The following GLI3 variants were observed in gnomAD, a reference collection of about 807,000 sequenced individuals.
The protein encoded by GLI3 is transcription activator GLI3.
A neutral mutation model predicts 100.8 loss-of-function variants in GLI3; 20 were observed. That is an observed-to-expected ratio of 0.20 (90% CI 0.14 to 0.29). GLI3 has a LOEUF of 0.29. Ranked by LOEUF, GLI3 falls within the 10% of genes least tolerant of loss-of-function variation. The pLI, the probability that GLI3 is intolerant of heterozygous loss-of-function variation, is 1.00. For missense variants in GLI3, 2,040 were observed against 2,128.5 expected (o/e 0.96, Z 0.82); for synonymous variants, 938 against 860.5 (o/e 1.09, Z -1.58).
intron 2 of GLI3, among the ~76,000 whole-genome samples, chr7:42,190,146 A>C (rs1787798250): frequency 6.6e-6 from 1 of 152,160 alleles, no homozygotes; most frequent in Non-Finnish European, 1.5e-5. Flanking sequence ...CTGTCAAAAA[A>C]AAAAAAACAG....
intron 4 of GLI3, among the ~76,000 whole-genome samples, chr7:42,051,055 A>G (rs1446131795): frequency 6.6e-6 from 1 of 152,168 alleles, no homozygotes; most frequent in South Asian, 2.1e-4. Flanking sequence ...CCACCAGGAC[A>G]CTGAAGGTAC....
At chr7:42,202,346 TCACA>T (rs59941465) in intron 2 of GLI3, among the ~76,000 whole-genome samples, 68,704 of 115,620 alleles carry the variant, frequency 0.59, 20,369 homozygotes, top group South Asian at 0.73. Context: ...TCTCTCTCTC[TCACA>T]CACACACACA....
chr7:42,130,226 G>A (rs1353867543), intron 3 of GLI3, among the ~76,000 whole-genome samples: 1 of 152,098 alleles, frequency 6.6e-6, no homozygotes, highest in Non-Finnish European at 1.5e-5. Context: ...ACTGATACAC[G>A]TGGTCAGGAT....
chr7:42,262,755 T>C (rs538364603), intron 1 of GLI3, among the ~76,000 whole-genome samples: 6 of 152,358 alleles, frequency 3.9e-5, no homozygotes, highest in African/African-American at 1.2e-4. Context: ...TTTGTTGTTT[T>C]ATCCATTCCT....
At chr7:42,092,471 C>A (rs924865231) in intron 3 of GLI3, among the ~76,000 whole-genome samples, 1 of 152,158 alleles carries the variant, frequency 6.6e-6, no homozygotes. Flanking sequence ...GAAGTGGAGA[C>A]AACGCTGTTC....
In GLI3 at chr7:41,968,717, A is replaced by AAAGAAAGAAAGAAAGAAAGAAAGAAAG. The variant is rs1562661775; in HGVS notation, c.2104-821_2104-795dup. Among the ~76,000 whole-genome samples the AAAGAAAGAAAGAAAGAAAGAAAGAAAG allele has an allele frequency of 6.0e-4, 62 of 103,724 alleles. 2 individuals carry two copies. The highest frequency in any genetic ancestry group is 2.8e-3 in the African/African-American group (59 of 21,004). The allele number at this position is 103,724 out of a possible 152,430, so 68.0% of individuals were successfully genotyped here. On this transcript the variant is annotated intron_variant, in intron 13 of 14. Transcript: ENST00000395925. Reference sequence around the variant, plus strand: ...AGAAAGAAAGAAAGAAAGAAAGAAGAAAGAAAGAAAGAAAGAAAGAAAGAA... The same window carrying AAAGAAAGAAAGAAAGAAAGAAAGAAAG: ...AGAAAGAAAGAAAGAAAGAAAGAAGAAAGAAAGAAAGAAAGAAAGAAAGAAAGAAGAAAGAAAGAAAGAAAGAAAGAA...
intron 2 of GLI3, among the ~76,000 whole-genome samples, chr7:42,168,597 A>C (rs551296878): frequency 6.6e-6 from 1 of 152,278 alleles, no homozygotes; most frequent in African/African-American, 2.4e-5. Flanking sequence ...AAGAAGCCAG[A>C]CACAAAAAGA....
chr7:42,197,680 G>T (rs1487201913), intron 2 of GLI3, among the ~76,000 whole-genome samples: 1 of 152,186 alleles, frequency 6.6e-6, no homozygotes, highest in Non-Finnish European at 1.5e-5. Context: ...TCCGGTCAGC[G>T]GGAGGTACAG....
intron 1 of GLI3, among the ~76,000 whole-genome samples, chr7:42,255,319 CT>C (rs1414937134): frequency 9.2e-5 from 14 of 152,244 alleles, no homozygotes; most frequent in African/African-American, 3.4e-4. Context: ...TTTTAAACAG[CT>C]TTATTAAAGT....
chr7:42,211,507 A>G (rs1185847660), intron 2 of GLI3, among the ~76,000 whole-genome samples: 1 of 152,254 alleles, frequency 6.6e-6, no homozygotes, highest in East Asian at 1.9e-4. Context: ...AAATGCTTGG[A>G]ACAAATCTTC....
At position 42,210,349 on chromosome 7, in the gene GLI3, C is replaced by A. The variant is rs888719478; in HGVS notation, c.124+12781G>T. ...ATTCAAAAATGAAAGCCCCCCCCCC[C>A]CCCCCAAGTTAAAATAAGGTACAAA... On this transcript the variant is annotated intron_variant, in intron 2 of 14. Transcript: ENST00000395925. 3.6e-4 allele frequency among the ~76,000 whole-genome samples: 49 copies of A among 136,734 alleles called. 1 individual carries two copies. Among genetic ancestry groups the A allele is most frequent in the African/African-American group, 1.1e-3 (40 of 36,202 alleles). The allele number at this position is 136,734 out of a possible 152,430, so 89.7% of individuals were successfully genotyped here.
Position 41,965,752 on chromosome 7 carries a change from C to T in GLI3, c.3321G>A (p.Gly1107=). ...VQYLNSQNQA[G]YEQHFPSALP... Reference sequence around the variant, plus strand: ...GGGCGCTGGGGAAGTGCTGCTCGTACCCTGCTTGGTTCTGGGAATTTAAAT... The same window carrying T: ...GGGCGCTGGGGAAGTGCTGCTCGTATCCTGCTTGGTTCTGGGAATTTAAAT... The change falls in exon 15 of 15, where the codon GGG becomes GGA. Residue 1107 remains glycine (G), a synonymous_variant. Transcript: ENST00000395925. The T allele has an allele frequency of 6.2e-7, 1 of 1,613,538 alleles. No homozygotes were observed. Among genetic ancestry groups the T allele is most frequent in the Non-Finnish European group, 8.5e-7 (1 of 1,179,954 alleles).
At chr7:41,979,298 G>A (rs949230217) in intron 10 of GLI3, among the ~76,000 whole-genome samples, 2 of 152,216 alleles carry the variant, frequency 1.3e-5, no homozygotes, top group Non-Finnish European at 2.9e-5. Context: ...GGGTTAATCA[G>A]ACTGCTTCCT....
intron 3 of GLI3, among the ~76,000 whole-genome samples, chr7:42,090,474 A>C (rs769282501): frequency 1.3e-5 from 2 of 152,194 alleles, no homozygotes; most frequent in Non-Finnish European, 2.9e-5. Flanking sequence ...ATGTTTAAGA[A>C]GTCACCGTTC....
At position 42,045,482 on chromosome 7, in the gene GLI3, A is replaced by G. The variant is rs1784227155; in HGVS notation, c.728T>C (p.Leu243Pro). Reference protein sequence around the residue: ...SPAEYYHQMALLTGQRSPYAD... With the variant: ...SPAEYYHQMAPLTGQRSPYAD... Reference sequence around the variant, plus strand: ...ATAGGGGCTGCGCTGGCCAGTTAGCAGGGCCATCTGATGATAGTATTCTGC... The same window carrying G: ...ATAGGGGCTGCGCTGGCCAGTTAGCGGGGCCATCTGATGATAGTATTCTGC... The change falls in exon 6 of 15, where the codon CTG (leucine) becomes CCG (proline). Residue 243 changes from leucine to proline, a missense_variant. Physicochemically the swap from Leu to Pro is moderately conservative, Grantham distance 98 (BLOSUM62 -3). Coordinates refer to ENST00000395925, the MANE Select transcript of GLI3 (RefSeq NM_000168.6). The G allele has an allele frequency of 6.2e-7, 1 of 1,613,880 alleles. No homozygotes were observed.
chr7:42,258,745 G>A (rs1024982351), intron 1 of GLI3, among the ~76,000 whole-genome samples: 4 of 152,148 alleles, frequency 2.6e-5, no homozygotes, highest in Admixed American at 2.6e-4. Flanking sequence ...CCTTGGGCTT[G>A]TTTTATAAGG....
chr7:41,973,064 CAA>C (rs1305797183), intron 12 of GLI3, among the ~76,000 whole-genome samples: 3 of 152,226 alleles, frequency 2.0e-5, no homozygotes, highest in Non-Finnish European at 4.4e-5. Context: ...GATTGTGTGA[CAA>C]AGTTTTTTAT....
chr7:41,998,862 T>C (rs754125883), intron 10 of GLI3, among the ~76,000 whole-genome samples: 5 of 152,244 alleles, frequency 3.3e-5, no homozygotes, highest in Non-Finnish European at 7.3e-5. Flanking sequence ...CTTTCTCTTC[T>C]GCTAAAAATA....
chr7:42,249,331 A>G (rs750431001), intron 1 of GLI3, among the ~76,000 whole-genome samples: 2 of 152,166 alleles, frequency 1.3e-5, no homozygotes, highest in Non-Finnish European at 2.9e-5. Flanking sequence ...TTTGAATTTC[A>G]TATAGTTTTC....
Sources: gnomAD v4.1 joint callset for allele counts (sites outside exome capture counted in the v4.1 genomes callset) on GRCh38, gnomAD v4.1.1 for gene constraint, MANE v1.5 for transcripts, NCBI Gene and HGNC (gene_info 2026-07-23, HGNC 2026-07-21) for gene names.